ADAMTS17: variants seen among roughly 807,000 people sequenced by gnomAD.
ADAMTS17 encodes A disintegrin and metalloproteinase with thrombospondin motifs 17.
Under a neutral mutation model 141.5 loss-of-function variants are expected in ADAMTS17, and 113 were observed. The observed-to-expected ratio is 0.80, with a 90% CI of 0.69 to 0.93. The LOEUF is 0.93. ADAMTS17 is among the 40% of genes least tolerant of loss of function. The pLI is 0.00. For missense variants in ADAMTS17, 1,659 were observed against 1,517.9 expected, an observed-to-expected ratio of 1.09 and a Z score of -1.54; for synonymous variants, 768 against 630.6, an observed-to-expected ratio of 1.22 and a Z score of -3.27.
chr15:100,007,885 C>G (rs545591440), intron 18 of ADAMTS17, among the ~76,000 whole-genome samples: 17 of 152,196 alleles, frequency 1.1e-4, no homozygotes, highest in Non-Finnish European at 2.1e-4. Context: ...CCAGACAGCG[C>G]AGACACAGAG....
chr15:100,008,633 G>A (rs971548027), intron 18 of ADAMTS17, among the ~76,000 whole-genome samples: 1 of 152,216 alleles, frequency 6.6e-6, no homozygotes, highest in Non-Finnish European at 1.5e-5. Flanking sequence ...CTGACAAGGA[G>A]CCCAGCCTGA....
At chr15:100,298,539 G>A (rs1459579506) in intron 3 of ADAMTS17, among the ~76,000 whole-genome samples, 1 of 152,210 alleles carries the variant, frequency 6.6e-6, no homozygotes, top group Non-Finnish European at 1.5e-5. Context: ...GCAGAACCGT[G>A]TTGGGCACAC....
intron 3 of ADAMTS17, among the ~76,000 whole-genome samples, chr15:100,330,392 T>C (rs1413760382): frequency 6.6e-6 from 1 of 152,222 alleles, no homozygotes; most frequent in Non-Finnish European, 1.5e-5. Context: ...TTCACAGCTC[T>C]GGCCTGAAAA....
In ADAMTS17 at chr15:100,341,028, G is replaced by A; in HGVS notation, c.450+11C>T. The A allele has an allele frequency of 6.6e-7, 1 of 1,524,352 alleles. No individual in the cohort carries two copies. Among genetic ancestry groups the A allele is most frequent in the Middle Eastern group, 2.3e-4 (1 of 4,316 alleles). The allele number at this position is 1,524,352 out of a possible 1,614,324, so 94.4% of individuals were successfully genotyped here. ...CCGGACGGGCCGACCCGGAGGTGGC[G>A]CGGGCAGTACCAGGCCGCCGGCGGC... On this transcript the variant is annotated intron_variant, in intron 2 of 21. Transcript: ENST00000268070.
At chr15:100,303,902 TTAGTAGAGACGGCGTTTCGC>T (rs1190222558) in intron 3 of ADAMTS17, among the ~76,000 whole-genome samples, 1 of 152,142 alleles carries the variant, frequency 6.6e-6, no homozygotes, top group Non-Finnish European at 1.5e-5. Flanking sequence ...TTTTGTATTT[TTAGTAGAGACGGCGTTTCGC>T]CACGTTGGGC....
At chr15:100,121,914 G>A (rs1048185937) in intron 12 of ADAMTS17, among the ~76,000 whole-genome samples, 2 of 152,124 alleles carry the variant, frequency 1.3e-5, no homozygotes, top group Non-Finnish European at 2.9e-5. Flanking sequence ...GGTTGGAGAT[G>A]CAGTTTCTTC....
chr15:100,006,815 T>A (rs1032038325), intron 18 of ADAMTS17, among the ~76,000 whole-genome samples: 7 of 152,196 alleles, frequency 4.6e-5, no homozygotes, highest in African/African-American at 1.4e-4. Context: ...TGAGCATCTG[T>A]TAGAGACAGG....
chr15:99,988,384 CCTT>C (rs2060631277), intron 20 of ADAMTS17, among the ~76,000 whole-genome samples: 1 of 152,152 alleles, frequency 6.6e-6, no homozygotes, highest in Non-Finnish European at 1.5e-5. Flanking sequence ...GCCAGCTCCA[CCTT>C]CTACTGCAAG....
At chr15:99,995,546 G>C (rs1485115303) in intron 19 of ADAMTS17, among the ~76,000 whole-genome samples, 1 of 152,200 alleles carries the variant, frequency 6.6e-6, no homozygotes, top group African/African-American at 2.4e-5. Flanking sequence ...GAGGACAGGA[G>C]AAACGCACTA....
Position 100,199,360 on chromosome 15 carries a change from C to T in ADAMTS17, c.1139G>A (p.Gly380Asp), listed in dbSNP as rs1160361445. 6 of 1,614,200 alleles carry T rather than the reference C, an allele frequency of 3.7e-6. No homozygotes were observed. The highest frequency in any genetic ancestry group is 5.1e-6 in the Non-Finnish European group (6 of 1,180,028). The change falls in exon 8 of 22, where the codon GGT (glycine) becomes GAT (aspartate). Residue 380 changes from glycine to aspartate, a missense_variant. Gly to Asp is a moderately conservative substitution (Grantham distance 94). Coordinates refer to ENST00000268070, the MANE Select transcript of ADAMTS17 (RefSeq NM_139057.4). ...GGCGATGGTAAAGGCCAAATTGAGA[C>T]CATTGTCTTCGGCAAGCACACACTT... ...KRKCVLAEDN[G>D]LNLAFTIAHE... is the part of the protein sequence containing the mutation.
At chr15:100,036,710 C>G (rs769713457) in intron 18 of ADAMTS17, among the ~76,000 whole-genome samples, 10 of 152,122 alleles carry the variant, frequency 6.6e-5, no homozygotes, top group Non-Finnish European at 1.5e-4. Flanking sequence ...AATCCTGTAA[C>G]CCTTTAGTTA....
intron 3 of ADAMTS17, among the ~76,000 whole-genome samples, chr15:100,282,528 TAAC>T (rs1178048949): frequency 6.6e-6 from 1 of 152,232 alleles, no homozygotes; most frequent in Non-Finnish European, 1.5e-5. Flanking sequence ...AATGGAATCA[TAAC>T]AATATACTGT....
chr15:100,135,442 C>G (rs1172353878), intron 10 of ADAMTS17, among the ~76,000 whole-genome samples: 3 of 152,040 alleles, frequency 2.0e-5, no homozygotes, highest in African/African-American at 7.2e-5. Flanking sequence ...CGCCACCACA[C>G]CCGGCTAATT....
chr15:100,285,589 C>T (rs7179114), intron 3 of ADAMTS17, among the ~76,000 whole-genome samples: 3,112 of 152,308 alleles, frequency 0.02, 110 homozygotes, highest in African/African-American at 0.071. Context: ...CAAATTCTAC[C>T]AACGCCATTT....
At chr15:100,007,962 A>G (rs1231133588) in intron 18 of ADAMTS17, among the ~76,000 whole-genome samples, 2 of 152,000 alleles carry the variant, frequency 1.3e-5, no homozygotes, top group African/African-American at 4.8e-5. Flanking sequence ...CCTCCAGAAG[A>G]GATGCAGAGG....
chr15:100,159,944 C>T (rs1285206261), intron 8 of ADAMTS17, among the ~76,000 whole-genome samples: 1 of 152,172 alleles, frequency 6.6e-6, no homozygotes, highest in African/African-American at 2.4e-5. Flanking sequence ...GGGTCTGGAA[C>T]CATGAGCTGC....
intron 18 of ADAMTS17, among the ~76,000 whole-genome samples, chr15:100,036,219 G>A (rs185867848): frequency 6.6e-6 from 1 of 152,358 alleles, no homozygotes; most frequent in African/African-American, 2.4e-5. Context: ...GGTGCAGAGA[G>A]GCAGCAAGGG....
Position 100,296,773 on chromosome 15 carries a change from G to A in ADAMTS17, c.617-15372C>T, listed in dbSNP as rs780947365. ...TACAGCAGGCCAGGGTAGGGAAGCC[G>A]GGCTGGACCTTCCTATCCATGGTTA... On this transcript the variant is annotated intron_variant, in intron 3 of 21. Transcript: ENST00000268070. Among the ~76,000 whole-genome samples the A allele has an allele frequency of 3.3e-4, 51 of 152,300 alleles. 1 individual carries two copies. Among genetic ancestry groups the A allele is most frequent in the Non-Finnish European group, 5.6e-4 (38 of 68,026 alleles).
intron 4 of ADAMTS17, among the ~76,000 whole-genome samples, chr15:100,278,375 T>C (rs138415379): frequency 1.3e-5 from 2 of 150,860 alleles, no homozygotes; most frequent in East Asian, 3.9e-4. Flanking sequence ...AAAAATAATG[T>C]TTAAGTTAAC....
Sources: allele counts gnomAD v4.1 joint callset (sites outside exome capture counted in the v4.1 genomes callset), GRCh38; gene constraint gnomAD v4.1.1; transcripts MANE v1.5; gene names NCBI Gene and HGNC (gene_info 2026-07-23, HGNC 2026-07-21).